Variants in SGCZ observed in about 807,000 individuals in gnomAD.
SGCZ encodes zeta-sarcoglycan.
Under a neutral mutation model 41.3 loss-of-function variants are expected in SGCZ, and 40 were observed. The observed-to-expected ratio is 0.97, with a 90% CI of 0.75 to 1.26. The LOEUF is 1.26. Among genes scored for constraint, SGCZ ranks in the 50% most tolerant of loss-of-function variants. SGCZ has a pLI of 0.00. For synonymous variants in SGCZ, 206 were observed against 137.5 expected, an observed-to-expected ratio of 1.50 and a Z score of -3.49; for missense variants, 552 against 369.8, an observed-to-expected ratio of 1.49 and a Z score of -4.04.
rs145538543 is a variant in SGCZ at position 14,327,041 on chromosome 8, A to C, written c.235-2837T>G. Among the ~76,000 whole-genome samples, 1,152 of 152,338 alleles carry C rather than the reference A, an allele frequency of 7.6e-3. 9 individuals are homozygous for C. The highest frequency in any genetic ancestry group is 0.028 in the South Asian group (137 of 4,832). On this transcript the variant is annotated intron_variant, in intron 2 of 7. Coordinates refer to ENST00000382080, the MANE Select transcript of SGCZ (RefSeq NM_139167.4). ...GACTAACCATTATTTTTCTCATTGA[A>C]GCATGACAAGGAAAGTCAGAAGTGG... is the stretch of plus-strand genomic sequence containing the variant.
chr8:14,857,299 A>T (rs964879357), intron 1 of SGCZ, among the ~76,000 whole-genome samples: 3 of 152,084 alleles, frequency 2.0e-5, no homozygotes, highest in African/African-American at 7.2e-5. Flanking sequence ...TTTCTTTATC[A>T]ATTACCCAGT....
chr8:14,484,869 A>G (rs1217779715), intron 2 of SGCZ, among the ~76,000 whole-genome samples: 7 of 152,174 alleles, frequency 4.6e-5, no homozygotes, highest in African/African-American at 1.4e-4. Flanking sequence ...CTGTTGCTTC[A>G]TAGTATAATA....
At chr8:14,423,923 A>T (rs1799705609) in intron 2 of SGCZ, among the ~76,000 whole-genome samples, 1 of 152,116 alleles carries the variant, frequency 6.6e-6, no homozygotes, top group African/African-American at 2.4e-5. Flanking sequence ...ATATTCAGGT[A>T]ACTCATGAAT....
At chr8:14,339,614 G>C (rs1263973855) in intron 2 of SGCZ, among the ~76,000 whole-genome samples, 5 of 152,106 alleles carry the variant, frequency 3.3e-5, no homozygotes, top group Admixed American at 2.0e-4. Flanking sequence ...AGCCATGTTA[G>C]GAGGTTGGTA....
At chr8:14,095,800 C>T (rs1197946728) in intron 7 of SGCZ, among the ~76,000 whole-genome samples, 1 of 152,122 alleles carries the variant, frequency 6.6e-6, no homozygotes, top group Non-Finnish European at 1.5e-5. Context: ...TTGTAGTTCT[C>T]CTTGAAGAGG....
At chr8:14,656,534 TTTC>T (rs1254261849) in intron 1 of SGCZ, among the ~76,000 whole-genome samples, 3 of 137,802 alleles carry the variant, frequency 2.2e-5, no homozygotes, top group African/African-American at 7.5e-5. Flanking sequence ...TTCTTTCTTT[TTTC>T]TTTCTTTCCC....
intron 2 of SGCZ, among the ~76,000 whole-genome samples, chr8:14,479,611 C>T (rs1158173546): frequency 6.6e-6 from 1 of 152,072 alleles, no homozygotes; most frequent in African/African-American, 2.4e-5. Flanking sequence ...GCTGCTTCTG[C>T]AATTTTAATT....
chr8:14,253,042 C>A (rs1005370653), intron 3 of SGCZ, among the ~76,000 whole-genome samples: 4 of 151,914 alleles, frequency 2.6e-5, no homozygotes. Context: ...TTTGCATAAC[C>A]AATGAACTCA....
At chr8:15,196,149 G>A (rs185505025) in intron 1 of SGCZ, among the ~76,000 whole-genome samples, 4,106 of 134,326 alleles carry the variant, frequency 0.031, 297 homozygotes, top group Non-Finnish European at 0.05. Flanking sequence ...CGCCCGCCTC[G>A]GCCTCCCAAA....
At chr8:14,860,312 C>CTACATTT (rs1235848315) in intron 1 of SGCZ, among the ~76,000 whole-genome samples, 2 of 151,818 alleles carry the variant, frequency 1.3e-5, no homozygotes, top group African/African-American at 4.8e-5. Context: ...TTGACGCTAA[C>CTACATTT]TACATTTTAC....
At chr8:15,008,245 C>G (rs1802677917) in intron 1 of SGCZ, among the ~76,000 whole-genome samples, 1 of 151,932 alleles carries the variant, frequency 6.6e-6, no homozygotes, top group Non-Finnish European at 1.5e-5. Context: ...TCTGGAAATC[C>G]CTCATTAATT....
chr8:15,023,828 A>G (rs1235631661), intron 1 of SGCZ, among the ~76,000 whole-genome samples: 1 of 152,136 alleles, frequency 6.6e-6, no homozygotes, highest in Non-Finnish European at 1.5e-5. Flanking sequence ...ATAAAACACT[A>G]AGTGATCTAC....
At chr8:14,191,436 T>C (rs189146074) in intron 4 of SGCZ, among the ~76,000 whole-genome samples, 2 of 152,322 alleles carry the variant, frequency 1.3e-5, no homozygotes, top group East Asian at 1.9e-4. Flanking sequence ...TTTCCCCTTA[T>C]GTTTTCTTCT....
chr8:14,476,247 A>T (rs1465741820), intron 2 of SGCZ, among the ~76,000 whole-genome samples: 1 of 152,100 alleles, frequency 6.6e-6, no homozygotes, highest in African/African-American at 2.4e-5. Flanking sequence ...CCTCTCACCA[A>T]TGTTGGTGGG....
chr8:14,388,376 C>A (rs1229374563), intron 2 of SGCZ, among the ~76,000 whole-genome samples: 4 of 151,920 alleles, frequency 2.6e-5, no homozygotes, highest in African/African-American at 9.7e-5. Context: ...ATGCCTGTGA[C>A]TCAAAACACT....
chr8:14,621,580 G>A (rs934810661), intron 1 of SGCZ, among the ~76,000 whole-genome samples: 1 of 152,114 alleles, frequency 6.6e-6, no homozygotes, highest in African/African-American at 2.4e-5. Flanking sequence ...AGCATGACCG[G>A]AACGCCTCAA....
chr8:14,096,078 A>T (rs1801836438), intron 7 of SGCZ, among the ~76,000 whole-genome samples: 1 of 152,116 alleles, frequency 6.6e-6, no homozygotes, highest in African/African-American at 2.4e-5. Flanking sequence ...CTGTATTCTT[A>T]ATTGAAAACT....
chr8:14,737,089 A>C (rs1448866738), intron 1 of SGCZ, among the ~76,000 whole-genome samples: 1 of 144,356 alleles, frequency 6.9e-6, no homozygotes, highest in African/African-American at 2.6e-5. Context: ...TATATAAGAT[A>C]TATATCTATA....
intron 5 of SGCZ, among the ~76,000 whole-genome samples, chr8:14,128,937 G>C (rs556618244): frequency 1.3e-5 from 2 of 152,268 alleles, no homozygotes; most frequent in Non-Finnish European, 1.5e-5. Flanking sequence ...AAAGTGGACG[G>C]TGGAGAGGAG....
Sources: allele counts gnomAD v4.1 joint callset (sites outside exome capture counted in the v4.1 genomes callset), GRCh38; gene constraint gnomAD v4.1.1; transcripts MANE v1.5; gene names NCBI Gene and HGNC (gene_info 2026-07-23, HGNC 2026-07-21).